GALNT18: variants seen among roughly 807,000 people sequenced by gnomAD.
GALNT18 encodes the protein polypeptide N-acetylgalactosaminyltransferase 18.
GALNT18 carries 44 observed loss-of-function variants against 69.5 expected under a neutral mutation model. That is an observed-to-expected ratio of 0.63 (90% CI 0.50 to 0.81). The LOEUF (loss-of-function observed/expected upper bound fraction) is 0.81, where lower values mean the gene tolerates loss of function less well. GALNT18 is among the 40% of genes least tolerant of loss of function. GALNT18 has a pLI of 0.00. For synonymous variants in GALNT18, 364 were observed against 318.2 expected, an observed-to-expected ratio of 1.14 and a Z score of -1.53; for missense variants, 715 against 810.0, an observed-to-expected ratio of 0.88 and a Z score of 1.42.
Position 11,454,280 on chromosome 11 carries a change from G to A in GALNT18, c.236-5344C>T, listed in dbSNP as rs4910346. Among the ~76,000 whole-genome samples, 27,117 of 152,026 alleles carry A rather than the reference G, an allele frequency of 0.18. 2,630 individuals carry two copies. The highest frequency in any genetic ancestry group is 0.21 in the African/African-American group (8,598 of 41,476). On this transcript the variant is annotated intron_variant, in intron 1 of 10. Coordinates refer to ENST00000227756, the MANE Select transcript of GALNT18 (RefSeq NM_198516.3). This position sits in a 1 kb window ranked among gnomAD's most constrained non-coding sequence, Gnocchi z 4.2. ...TGTGCACAGTTACGCAGACTGGCAC[G>A]GCATGTTTAAGAGCTTCTCAGGTAG...
chr11:11,348,414 T>C (rs1166794108), intron 6 of GALNT18, among the ~76,000 whole-genome samples: 2 of 125,822 alleles, frequency 1.6e-5, no homozygotes, highest in Non-Finnish European at 1.7e-5. Flanking sequence ...GGAAGAGAGG[T>C]CAAATCTGGA....
chr11:11,396,107 C>A lies in GALNT18; in HGVS notation c.596-16843G>T, dbSNP rs952814860. On this transcript the variant is annotated intron_variant, in intron 3 of 10. Coordinates refer to ENST00000227756, the MANE Select transcript of GALNT18 (RefSeq NM_198516.3). This position sits in a 1 kb window ranked among gnomAD's most constrained non-coding sequence, Gnocchi z 5.2. Reference sequence around the variant, plus strand: ...CTGATCCCCATGGGGCTGAACAGTCCCAAAGAGTTAGAGAGAAAAGTCTTT... The same window carrying A: ...CTGATCCCCATGGGGCTGAACAGTCACAAAGAGTTAGAGAGAAAAGTCTTT... 2.6e-5 allele frequency among the ~76,000 whole-genome samples: 4 copies of A among 152,132 alleles called. No individual in the cohort carries two copies. The highest frequency in any genetic ancestry group is 5.9e-5 in the Non-Finnish European group (4 of 68,034).
intron 6 of GALNT18, chr11:11,352,618 G>A (rs1850436700): frequency 1.9e-6 from 3 of 1,614,114 alleles, no homozygotes; most frequent in African/African-American, 1.3e-5. Context: ...AGCTTTCTGT[G>A]CTCATGATCA....
intron 9 of GALNT18, among the ~76,000 whole-genome samples, chr11:11,303,667 C>T (rs1027439966): frequency 1.1e-4 from 17 of 152,148 alleles, no homozygotes; most frequent in African/African-American, 3.9e-4. Flanking sequence ...GGGGACTCCA[C>T]ATCTGACAGG....
At chr11:11,503,512 C>A (rs1420161504) in intron 1 of GALNT18, among the ~76,000 whole-genome samples, 2 of 152,166 alleles carry the variant, frequency 1.3e-5, no homozygotes, top group African/African-American at 4.8e-5. Flanking sequence ...AGGTGTTCAT[C>A]CATCCCATCA....
chr11:11,352,023 G>C, intron 6 of GALNT18: 1 of 1,613,640 alleles, frequency 6.2e-7, no homozygotes, highest in Non-Finnish European at 8.5e-7. Flanking sequence ...GCCTGCCAGA[G>C]GTCCAAGGGG....
chr11:11,407,296 G>C (rs932596903), intron 3 of GALNT18, among the ~76,000 whole-genome samples: 3 of 152,232 alleles, frequency 2.0e-5, no homozygotes, highest in Non-Finnish European at 2.9e-5. Context: ...CTTTCTGACA[G>C]ACCAGGCAAA....
intron 6 of GALNT18, among the ~76,000 whole-genome samples, chr11:11,358,989 G>T (rs1850589114): frequency 7.1e-6 from 1 of 140,262 alleles, no homozygotes; most frequent in South Asian, 2.2e-4. Context: ...CTGTGTCCAG[G>T]GATGGGAAAT....
In GALNT18 at chr11:11,572,010, T is replaced by C. The variant is rs771053150; in HGVS notation, c.235+49349A>G. ...AATTCCCTGGGAAGCACTTTACAAA[T>C]ACAGATTTCCAGGCTCCCCCACTGA... On this transcript the variant is annotated intron_variant, in intron 1 of 10. Coordinates refer to ENST00000227756, the MANE Select transcript of GALNT18 (RefSeq NM_198516.3). 3.9e-5 allele frequency among the ~76,000 whole-genome samples: 6 copies of C among 152,314 alleles called. No individual in the cohort carries two copies. The South Asian group carries it at 1.0e-3, about 26-fold the overall frequency.
At chr11:11,452,112 C>T (rs999495026) in intron 1 of GALNT18, among the ~76,000 whole-genome samples, 17 of 152,194 alleles carry the variant, frequency 1.1e-4, no homozygotes, top group African/African-American at 1.9e-4. Context: ...AACATTTTCC[C>T]GAGCCCTGTC....
intron 1 of GALNT18, among the ~76,000 whole-genome samples, chr11:11,537,870 G>C (rs1183296222): frequency 6.6e-6 from 1 of 152,186 alleles, no homozygotes; most frequent in Non-Finnish European, 1.5e-5. Context: ...GGCTCTATTT[G>C]CTGTGAGAAT....
intron 6 of GALNT18, among the ~76,000 whole-genome samples, chr11:11,360,562 CT>C (rs1173754215): frequency 2.0e-5 from 3 of 152,012 alleles, no homozygotes; most frequent in Admixed American, 2.0e-4. Context: ...GGGGTTAACA[CT>C]TTTTTGCATT....
At chr11:11,536,505 C>T (rs1857776343) in intron 1 of GALNT18, among the ~76,000 whole-genome samples, 2 of 152,312 alleles carry the variant, frequency 1.3e-5, no homozygotes, top group South Asian at 4.1e-4. Context: ...CCTCCTTACA[C>T]CTCACTAGGA....
At chr11:11,597,056 T>G (rs1331800427) in intron 1 of GALNT18, among the ~76,000 whole-genome samples, 1 of 152,218 alleles carries the variant, frequency 6.6e-6, no homozygotes, top group East Asian at 1.9e-4. Context: ...TTTGAGATGA[T>G]CATGCGGTTT....
rs149580386 is a variant in GALNT18 at position 11,510,688 on chromosome 11, G to A, written c.236-61752C>T. On this transcript the variant is annotated intron_variant, in intron 1 of 10. Transcript: ENST00000227756. Reference sequence around the variant, plus strand: ...CTTTAAGGAGTTATCCAGCTACTGTGCCACTTTTCACACCACCTTGTGTGA... The same window carrying A: ...CTTTAAGGAGTTATCCAGCTACTGTACCACTTTTCACACCACCTTGTGTGA... Among the ~76,000 whole-genome samples, 1,074 of 152,300 alleles carry A rather than the reference G, an allele frequency of 7.1e-3. 4 individuals are homozygous for A. The highest frequency in any genetic ancestry group is 0.011 in the Non-Finnish European group (742 of 68,008).
intron 6 of GALNT18, among the ~76,000 whole-genome samples, chr11:11,355,869 A>T (rs926350345): frequency 6.6e-6 from 1 of 152,188 alleles, no homozygotes; most frequent in Non-Finnish European, 1.5e-5. Context: ...AGACAGACAG[A>T]AAGAGAGAGA....
At chr11:11,492,935 A>C (rs1192763806) in intron 1 of GALNT18, among the ~76,000 whole-genome samples, 1 of 152,156 alleles carries the variant, frequency 6.6e-6, no homozygotes, top group Non-Finnish European at 1.5e-5. Context: ...ATGGATCTGC[A>C]TTCTGAAGTT....
chr11:11,487,260 G>C (rs950645321), intron 1 of GALNT18, among the ~76,000 whole-genome samples: 8 of 152,182 alleles, frequency 5.3e-5, no homozygotes, highest in African/African-American at 1.9e-4. Context: ...GGGGCTCAGG[G>C]AGAAAGGGTA....
intron 6 of GALNT18, among the ~76,000 whole-genome samples, chr11:11,363,001 ATAC>A (rs1850678554): frequency 1.3e-5 from 2 of 152,218 alleles, no homozygotes; most frequent in African/African-American, 4.8e-5. Flanking sequence ...ATATCTCTAT[ATAC>A]TGTTATAGAA....
Sources: allele counts gnomAD v4.1 joint callset (sites outside exome capture counted in the v4.1 genomes callset), GRCh38; gene constraint gnomAD v4.1.1; non-coding constraint Gnocchi (gnomAD v3.1); transcripts MANE v1.5; gene names NCBI Gene and HGNC (gene_info 2026-07-23, HGNC 2026-07-21).